ARL8B: variants seen among roughly 807,000 people sequenced by gnomAD.
The protein encoded by ARL8B is ADP-ribosylation factor-like protein 8B.
A neutral mutation model predicts 30.6 loss-of-function variants in ARL8B; 9 were observed. The ratio of observed to expected loss-of-function variants is 0.29; its 90% CI spans 0.18 to 0.51. The LOEUF is 0.51. Among genes scored for constraint, ARL8B ranks in the 20% least tolerant of loss-of-function variants. The pLI, the probability that ARL8B is intolerant of heterozygous loss-of-function variation, is 0.97. For synonymous variants in ARL8B, 74 were observed against 76.0 expected, an observed-to-expected ratio of 0.97 and a Z score of 0.14; for missense variants, 130 against 227.2, an observed-to-expected ratio of 0.57 and a Z score of 2.75.
At chr3:5,138,910 A>T (rs2054349622) in intron 1 of ARL8B, among the ~76,000 whole-genome samples, 1 of 152,194 alleles carries the variant, frequency 6.6e-6, no homozygotes, top group African/African-American at 2.4e-5. Context: ...AGAGAGCTGC[A>T]GTGTGGAGGA....
At chr3:5,126,565 T>C (rs576650407) in intron 1 of ARL8B, among the ~76,000 whole-genome samples, 4 of 152,318 alleles carry the variant, frequency 2.6e-5, no homozygotes, top group African/African-American at 4.8e-5. Context: ...ATTACTATTA[T>C]ATGTAGGGTT....
chr3:5,178,577 C>T, intron 6 of ARL8B, 87 bp from the exon 7 acceptor site: 2 of 1,358,098 alleles, frequency 1.5e-6, no homozygotes, highest in African/African-American at 1.4e-5. Flanking sequence ...TAGTGTGTGC[C>T]TTGAATTAGC....
At chr3:5,141,641 C>T (rs181559724) in intron 1 of ARL8B, among the ~76,000 whole-genome samples, 6 of 152,280 alleles carry the variant, frequency 3.9e-5, no homozygotes, top group Non-Finnish European at 5.9e-5. Context: ...TCTGCCTGTT[C>T]GTTGGCTAGA....
intron 1 of ARL8B, among the ~76,000 whole-genome samples, chr3:5,126,366 A>ACTC (rs2054230064): frequency 6.6e-6 from 1 of 152,200 alleles, no homozygotes; most frequent in Non-Finnish European, 1.5e-5. Context: ...GTCACTCTAG[A>ACTC]AAGGTGACCA....
At chr3:5,148,327 T>C (rs2054448172) in intron 1 of ARL8B, among the ~76,000 whole-genome samples, 1 of 152,190 alleles carries the variant, frequency 6.6e-6, no homozygotes, top group African/African-American at 2.4e-5. Flanking sequence ...AGAGGGAACA[T>C]TGCTAGATGC....
chr3:5,172,309 A>T, intron 3 of ARL8B, 86 bp downstream of exon 3: 1 of 1,170,528 alleles, frequency 8.5e-7, no homozygotes, highest in South Asian at 1.4e-5. Context: ...CAGAGGCTCA[A>T]TTTTTATCTC....
At chr3:5,142,588 A>T (rs2054383917) in intron 1 of ARL8B, among the ~76,000 whole-genome samples, 1 of 151,982 alleles carries the variant, frequency 6.6e-6, no homozygotes, top group South Asian at 2.1e-4. Flanking sequence ...GATCCATTTG[A>T]CCCAGGCGTT....
chr3:5,123,170 C>G (rs6808846), intron 1 of ARL8B, among the ~76,000 whole-genome samples: 43,325 of 152,016 alleles, frequency 0.29, 7,275 homozygotes, highest in African/African-American at 0.47. Flanking sequence ...AGACCAAGCT[C>G]ATTGCTGAGC....
intron 1 of ARL8B, among the ~76,000 whole-genome samples, chr3:5,138,158 T>A (rs1377704394): frequency 6.6e-6 from 1 of 151,434 alleles, no homozygotes; most frequent in Non-Finnish European, 1.5e-5. Flanking sequence ...TTAATAGTTT[T>A]GGCTTGGTGG....
intron 1 of ARL8B, among the ~76,000 whole-genome samples, chr3:5,148,210 C>T (rs921576897): frequency 6.6e-6 from 1 of 152,062 alleles, no homozygotes; most frequent in East Asian, 1.9e-4. Context: ...AAACTGAGGG[C>T]ATCCTCTAGG....
At chr3:5,157,583 CAG>C in intron 1 of ARL8B, among the ~76,000 whole-genome samples, 1 of 152,328 alleles carries the variant, frequency 6.6e-6, no homozygotes, top group Admixed American at 6.5e-5. Context: ...GTTTTCTGGT[CAG>C]AGAGGATTTT....
chr3:5,128,150 GA>G (rs2054248892), intron 1 of ARL8B, among the ~76,000 whole-genome samples: 1 of 86,696 alleles, frequency 1.2e-5, no homozygotes, highest in Non-Finnish European at 2.1e-5. Context: ...GCAACAGAGT[GA>G]AAATCCGTCT....
At chr3:5,160,249 A>G (rs2054569451) in intron 1 of ARL8B, among the ~76,000 whole-genome samples, 2 of 152,188 alleles carry the variant, frequency 1.3e-5, no homozygotes, top group African/African-American at 2.4e-5. Context: ...CTGTTGGCTC[A>G]TCAATGTTTC....
At chr3:5,171,316 AT>A (rs771726172) in intron 2 of ARL8B, among the ~76,000 whole-genome samples, 3 of 152,178 alleles carry the variant, frequency 2.0e-5, no homozygotes, top group Non-Finnish European at 4.4e-5. Context: ...TAAAATGATT[AT>A]GGATGTGGCT....
intron 1 of ARL8B, among the ~76,000 whole-genome samples, chr3:5,123,196 A>G (rs1394473256): frequency 1.3e-5 from 2 of 152,208 alleles, no homozygotes; most frequent in African/African-American, 4.8e-5. Flanking sequence ...CTAGCCCACA[A>G]TACATAGTAT....
rs549428957 is a variant in ARL8B, at chr3:5,154,770, G to C, written c.124-15733G>C. ...CTGTTGCCCGGGCTGGAGTGCAGTGGCACGATCTTGGCTCACTGCAACCTC... is the reference window on the plus strand; with the variant it reads ...CTGTTGCCCGGGCTGGAGTGCAGTGCCACGATCTTGGCTCACTGCAACCTC... On this transcript the variant is annotated intron_variant, in intron 1 of 6. Transcript: ENST00000256496. 3.3e-5 allele frequency among the ~76,000 whole-genome samples: 5 copies of C among 152,292 alleles called. No homozygotes were observed. In the East Asian group the frequency reaches 9.6e-4, roughly 29 times the overall value.
intron 1 of ARL8B, among the ~76,000 whole-genome samples, chr3:5,126,939 T>C (rs956161049): frequency 2.6e-5 from 4 of 152,216 alleles, no homozygotes; most frequent in Non-Finnish European, 5.9e-5. Context: ...CAAAATAATA[T>C]AGGATAAATC....
At chr3:5,155,875 C>A (rs1364009648) in intron 1 of ARL8B, among the ~76,000 whole-genome samples, 4 of 144,122 alleles carry the variant, frequency 2.8e-5, no homozygotes, top group Admixed American at 1.4e-4. Flanking sequence ...TCTTTGAGTA[C>A]CTTTAAGATA....
At position 5,177,284 on chromosome 3, in the gene ARL8B, A is replaced by T. The variant is rs985143773; in HGVS notation, c.512-1380A>T. 2.6e-5 allele frequency among the ~76,000 whole-genome samples: 4 copies of T among 152,194 alleles called. No homozygotes were observed. In the South Asian group the frequency reaches 8.3e-4, roughly 31 times the overall value. The stretch of plus-strand genomic sequence containing the variant: ...AAGGTTGTCAAGCCCAAGGAATCTG[A>T]TCCAGTCTAATAAGATCCACTCTAA... On this transcript the variant is annotated intron_variant, in intron 6 of 6. Transcript: ENST00000256496.
Sources: allele counts gnomAD v4.1 joint callset (sites outside exome capture counted in the v4.1 genomes callset), GRCh38; gene constraint gnomAD v4.1.1; transcripts MANE v1.5; gene names NCBI Gene and HGNC (gene_info 2026-07-23, HGNC 2026-07-21).